The following PSD3 variants were observed in gnomAD, a reference collection of about 807,000 sequenced individuals.
PSD3 encodes pleckstrin and Sec7 domain containing 3, also known as PH and SEC7 domain-containing protein 3.
Under a neutral mutation model 105.5 loss-of-function variants are expected in PSD3, and 49 were observed. That is an observed-to-expected ratio of 0.46 (90% CI 0.37 to 0.59). The LOEUF (loss-of-function observed/expected upper bound fraction) is 0.59. PSD3 is among the 20% of genes least tolerant of loss of function. PSD3 has a pLI of 0.00. For synonymous variants in PSD3, 557 were observed against 457.8 expected (o/e 1.22, Z -2.77); for missense variants, 1,561 against 1,263.8 (o/e 1.24, Z -3.57).
chr8:19,048,377 G>C (rs188634809), intron 1 of PSD3, among the ~76,000 whole-genome samples: 2 of 152,320 alleles, frequency 1.3e-5, no homozygotes. Context: ...ACCTTTGAAA[G>C]TCAGATTCCT....
In PSD3 at chr8:18,616,618, C is replaced by CTTTTTTTTTTTTTTTTTTTTTTTTTTTTT; in HGVS notation, c.2410+15994_2410+15995insAAAAAAAAAAAAAAAAAAAAAAAAAAAAA. On this transcript the variant is annotated intron_variant, in intron 11 of 15. Coordinates refer to ENST00000327040, the MANE Select transcript of PSD3 (RefSeq NM_015310.4). The stretch of plus-strand genomic sequence containing the variant: ...TGCTAGCCAGGCCTCATCTTCCTCT[C>CTTTTTTTTTTTTTTTTTTTTTTTTTTTTT]TTTTCTTTTCTTTTTTTTTTTTTGA... Among the ~76,000 whole-genome samples the CTTTTTTTTTTTTTTTTTTTTTTTTTTTTT allele has an allele frequency of 2.8e-5, 2 of 72,314 alleles. 1 individual carries two copies. The highest frequency in any genetic ancestry group is 6.0e-5 in the Non-Finnish European group (2 of 33,470). The allele number at this position is 72,314 out of a possible 152,430, so 47.4% of individuals were successfully genotyped here. A position where few individuals can be genotyped will look rare whatever the true frequency, so the allele number is the denominator to read the frequency against.
chr8:18,696,209 TC>T (rs1191864165), intron 9 of PSD3, among the ~76,000 whole-genome samples: 3 of 152,222 alleles, frequency 2.0e-5, no homozygotes, highest in Non-Finnish European at 4.4e-5. Context: ...TGCCGTCCGT[TC>T]CTCTCTGCCC....
At chr8:18,742,561 T>TA in intron 9 of PSD3, among the ~76,000 whole-genome samples, 1 of 152,342 alleles carries the variant, frequency 6.6e-6, no homozygotes, top group East Asian at 1.9e-4. Context: ...TATATAATCA[T>TA]AGATAGCTTT....
exon 1 of PSD3, chr8:19,084,611 G>C (rs936627748): frequency 2.8e-6 from 1 of 352,948 alleles, no homozygotes; most frequent in Admixed American, 3.8e-5. Flanking sequence ...GGCAATGCCT[G>C]TGATGTGGGG....
At chr8:18,864,326 C>A (rs1021236024) in intron 4 of PSD3, among the ~76,000 whole-genome samples, 3 of 152,064 alleles carry the variant, frequency 2.0e-5, no homozygotes, top group East Asian at 1.9e-4. Context: ...TTTCCTTATT[C>A]GGAAAATTAG....
chr8:18,894,068 C>A (rs192713563), intron 2 of PSD3, among the ~76,000 whole-genome samples: 15 of 152,250 alleles, frequency 9.9e-5, no homozygotes, highest in East Asian at 7.7e-4. Context: ...AAAACAGTGC[C>A]CAGCACATAG....
At chr8:18,786,237 G>C (rs541244808) in intron 8 of PSD3, among the ~76,000 whole-genome samples, 1 of 152,096 alleles carries the variant, frequency 6.6e-6, no homozygotes, top group East Asian at 1.9e-4. Context: ...ACTTGAAGAA[G>C]AGATACTATT....
At chr8:19,015,433 G>A (rs57855654), upstream of PSD3, among the ~76,000 whole-genome samples, 17,348 of 152,062 alleles carry the variant, frequency 0.11, 1,226 homozygotes, top group African/African-American at 0.2. Flanking sequence ...TTACCCTTGC[G>A]TACATACCCT....
At chr8:18,842,065 C>T (rs1448068070) in intron 4 of PSD3, among the ~76,000 whole-genome samples, 6 of 152,182 alleles carry the variant, frequency 3.9e-5, no homozygotes, top group African/African-American at 1.2e-4. Context: ...ACCTCACCAT[C>T]TTCCCATGTT....
At chr8:19,029,030 T>C (rs1469491904) in intron 1 of PSD3, among the ~76,000 whole-genome samples, 1 of 152,236 alleles carries the variant, frequency 6.6e-6, no homozygotes, top group Non-Finnish European at 1.5e-5. Flanking sequence ...TCTATGTCTC[T>C]ATACTTACAA....
At chr8:18,606,383 G>A (rs992518512) in intron 11 of PSD3, among the ~76,000 whole-genome samples, 7 of 152,066 alleles carry the variant, frequency 4.6e-5, no homozygotes, top group Non-Finnish European at 5.9e-5. Context: ...CCCCACATTT[G>A]TACTCATGCT....
At chr8:18,901,554 T>G (rs999667237) in intron 2 of PSD3, among the ~76,000 whole-genome samples, 3 of 152,194 alleles carry the variant, frequency 2.0e-5, no homozygotes, top group Non-Finnish European at 4.4e-5. Context: ...CATTGCAGTT[T>G]GGTGGTTTTC....
In PSD3 at chr8:18,874,992, C is replaced by T. The variant is rs182496124; in HGVS notation, c.131-2259G>A. Among the ~76,000 whole-genome samples, 37 of 152,242 alleles carry T rather than the reference C, an allele frequency of 2.4e-4. 1 individual carries two copies. The East Asian group carries it at 5.0e-3, about 21-fold the overall frequency. ...GTGTGGGAGTGCGAACATAGCTCAC[C>T]GCAGCCTCGAACTCCTCGGCTCAAG... On this transcript the variant is annotated intron_variant, in intron 2 of 15. Transcript: ENST00000327040.
At chr8:18,912,350 A>C (rs1311155398) in intron 2 of PSD3, among the ~76,000 whole-genome samples, 2 of 152,196 alleles carry the variant, frequency 1.3e-5, no homozygotes, top group African/African-American at 4.8e-5. Context: ...TCACAATGTT[A>C]ACCGCTACTG....
chr8:18,634,349 T>C (rs1056399943), intron 10 of PSD3, among the ~76,000 whole-genome samples: 2 of 152,148 alleles, frequency 1.3e-5, no homozygotes, highest in Non-Finnish European at 2.9e-5. Context: ...ATTTTACTTT[T>C]ATTTTGAAAG....
chr8:18,536,993 T>A (rs559424012), intron 15 of PSD3, among the ~76,000 whole-genome samples: 7 of 152,354 alleles, frequency 4.6e-5, no homozygotes, highest in Admixed American at 3.3e-4. Context: ...TGACTATACA[T>A]CCGTCTTAGG....
chr8:18,846,730 C>G (rs1815120181), intron 4 of PSD3, among the ~76,000 whole-genome samples: 1 of 152,278 alleles, frequency 6.6e-6, no homozygotes, highest in South Asian at 2.1e-4. Context: ...GAGGCGCCGG[C>G]AAAACCGACT....
intron 1 of PSD3, among the ~76,000 whole-genome samples, chr8:19,009,668 T>C: frequency 6.6e-6 from 1 of 152,146 alleles, no homozygotes; most frequent in Non-Finnish European, 1.5e-5. Context: ...GGAAGGCAGA[T>C]CACCTGAGCT....
intron 11 of PSD3, among the ~76,000 whole-genome samples, chr8:18,627,970 G>C (rs1473048092): frequency 6.6e-6 from 1 of 151,850 alleles, no homozygotes; most frequent in Admixed American, 6.6e-5. Flanking sequence ...ACCTGATAAG[G>C]AGAGAAACGG....
Sources: allele counts gnomAD v4.1 joint callset (sites outside exome capture counted in the v4.1 genomes callset), GRCh38; gene constraint gnomAD v4.1.1; transcripts MANE v1.5; gene names NCBI Gene and HGNC (gene_info 2026-07-23, HGNC 2026-07-21).